The following STX8 variants were observed in gnomAD, a reference collection of about 807,000 sequenced individuals.
The protein encoded by STX8 is syntaxin 8.
Under a neutral mutation model 37.5 loss-of-function variants are expected in STX8, and 23 were observed. That is an observed-to-expected ratio of 0.61 (90% CI 0.44 to 0.87). The LOEUF (loss-of-function observed/expected upper bound fraction) is 0.87, where lower values mean the gene tolerates loss of function less well. Ranked by LOEUF, STX8 falls within the 40% of genes least tolerant of loss-of-function variation. The probability of loss-of-function intolerance (pLI) is 0.00; values close to 1 mark genes in which losing one functional copy is unlikely to be tolerated. For missense variants in STX8, 313 were observed against 284.7 expected (o/e 1.10, Z -0.71); for synonymous variants, 115 against 99.1 (o/e 1.16, Z -0.95).
At chr17:9,261,180 G>GT (rs1597570225) in intron 7 of STX8, among the ~76,000 whole-genome samples, 1 of 152,168 alleles carries the variant, frequency 6.6e-6, no homozygotes, top group East Asian at 1.9e-4. Flanking sequence ...TCAGGTGGCC[G>GT]TGGAGCAGCA....
At chr17:9,533,293 C>T (rs1416305334) in intron 4 of STX8, among the ~76,000 whole-genome samples, 1 of 152,092 alleles carries the variant, frequency 6.6e-6, no homozygotes, top group Non-Finnish European at 1.5e-5. Flanking sequence ...CATGGTCAAA[C>T]CCCGTCTCTA....
At chr17:9,331,732 A>G (rs1909967706) in intron 7 of STX8, among the ~76,000 whole-genome samples, 2 of 151,970 alleles carry the variant, frequency 1.3e-5, no homozygotes. Context: ...CTTACTGTTA[A>G]AGTGCTAAAC....
chr17:9,483,847 C>A (rs1036089652), intron 6 of STX8, among the ~76,000 whole-genome samples: 1 of 152,132 alleles, frequency 6.6e-6, no homozygotes, highest in East Asian at 1.9e-4. Context: ...ACTGTCAGAT[C>A]TCAATAATCC....
At chr17:9,563,164 T>C (rs1482544931) in intron 2 of STX8, among the ~76,000 whole-genome samples, 1 of 136,252 alleles carries the variant, frequency 7.3e-6, no homozygotes, top group Non-Finnish European at 1.5e-5. Flanking sequence ...TTTATTTATT[T>C]ATTTATTTAT....
At chr17:9,438,790 G>A (rs1043271308) in intron 6 of STX8, among the ~76,000 whole-genome samples, 4 of 151,850 alleles carry the variant, frequency 2.6e-5, no homozygotes, top group South Asian at 2.1e-4. Context: ...TTAGCCGGGC[G>A]GTGGTGGTGG....
At chr17:9,490,691 T>G (rs955286347) in intron 6 of STX8, among the ~76,000 whole-genome samples, 10 of 152,224 alleles carry the variant, frequency 6.6e-5, no homozygotes, top group African/African-American at 2.4e-4. Flanking sequence ...AGCCATTCCA[T>G]CGTGTTATTA....
chr17:9,390,216 T>G (rs1192421242), intron 6 of STX8, among the ~76,000 whole-genome samples: 2 of 152,168 alleles, frequency 1.3e-5, no homozygotes, highest in Non-Finnish European at 2.9e-5. Context: ...GTCTCTCATC[T>G]AGGCTTAAAA....
chr17:9,261,190 A>G (rs1481979342), intron 7 of STX8, among the ~76,000 whole-genome samples: 4 of 152,168 alleles, frequency 2.6e-5, no homozygotes, highest in African/African-American at 9.6e-5. Flanking sequence ...GTGGAGCAGC[A>G]GTCACGGCCA....
chr17:9,501,450 G>C (rs1746490114), intron 5 of STX8, among the ~76,000 whole-genome samples: 1 of 152,176 alleles, frequency 6.6e-6, no homozygotes. Flanking sequence ...CAGCACTTTG[G>C]GAGGCCGAGG....
chr17:9,289,612 T>TAAA (rs200727934), intron 7 of STX8, among the ~76,000 whole-genome samples: 5 of 141,316 alleles, frequency 3.5e-5, no homozygotes, highest in African/African-American at 1.0e-4. Context: ...CCATCTCTAC[T>TAAA]AAAAAAAAAA....
intron 4 of STX8, among the ~76,000 whole-genome samples, chr17:9,517,790 A>T (rs1905197660): frequency 1.7e-4 from 1 of 6,042 alleles, no homozygotes; most frequent in Admixed American, 3.0e-3. Context: ...CCCTATTGTA[A>T]AAAAAAAAAA....
Position 9,342,484 on chromosome 17 carries a change from G to A in STX8, c.643+36068C>T, listed in dbSNP as rs113445202. Among the ~76,000 whole-genome samples the A allele has an allele frequency of 4.2e-3, 637 of 152,318 alleles. 6 individuals are homozygous for A. The highest frequency in any genetic ancestry group is 0.015 in the African/African-American group (607 of 41,578). Reference sequence around the variant, plus strand: ...GCGTGCAAGACATGCTATGGCCTGAGGGGCAGTAGGCACTGGAGGAGGAGA... The same window carrying A: ...GCGTGCAAGACATGCTATGGCCTGAAGGGCAGTAGGCACTGGAGGAGGAGA... On this transcript the variant is annotated intron_variant, in intron 7 of 7. Transcript: ENST00000306357.
At chr17:9,512,521 G>A (rs918362284) in intron 4 of STX8, among the ~76,000 whole-genome samples, 2 of 151,772 alleles carry the variant, frequency 1.3e-5, no homozygotes, top group South Asian at 2.1e-4. Flanking sequence ...GGAGTGCAGT[G>A]ATGCAATCTT....
intron 7 of STX8, among the ~76,000 whole-genome samples, chr17:9,336,161 T>C (rs1009641276): frequency 1.3e-5 from 2 of 152,176 alleles, no homozygotes; most frequent in African/African-American, 4.8e-5. Context: ...ATGTGACTTA[T>C]GAACTTTATC....
In STX8 at chr17:9,447,569, C is replaced by T. The variant is rs9915004; in HGVS notation, c.541+44260G>A. Reference sequence around the variant, plus strand: ...GCCCCAGTAGCTGGGATTACAGGCACCTGCCACCATACCCAGCTAATTTCT... The same window carrying T: ...GCCCCAGTAGCTGGGATTACAGGCATCTGCCACCATACCCAGCTAATTTCT... On this transcript the variant is annotated intron_variant, in intron 6 of 7. Coordinates refer to ENST00000306357, the MANE Select transcript of STX8 (RefSeq NM_004853.3). Among the ~76,000 whole-genome samples the T allele has an allele frequency of 2.3e-3, 347 of 152,124 alleles. 1 individual carries two copies. Among genetic ancestry groups the T allele is most frequent in the African/African-American group, 7.6e-3 (315 of 41,526 alleles).
At chr17:9,529,220 C>T (rs919109674) in intron 4 of STX8, among the ~76,000 whole-genome samples, 35 of 151,682 alleles carry the variant, frequency 2.3e-4, no homozygotes, top group African/African-American at 7.8e-4. Context: ...ACATCTCCAT[C>T]TTGTGGTCTG....
intron 6 of STX8, among the ~76,000 whole-genome samples, chr17:9,421,946 T>C (rs1913446650): frequency 6.6e-6 from 1 of 152,092 alleles, no homozygotes; most frequent in African/African-American, 2.4e-5. Flanking sequence ...TCTCTCTTCC[T>C]CCTGCTCCGG....
At chr17:9,279,701 T>C (rs1255791024) in intron 7 of STX8, among the ~76,000 whole-genome samples, 1 of 148,554 alleles carries the variant, frequency 6.7e-6, no homozygotes, top group Admixed American at 6.8e-5. Context: ...AAGCAACAGG[T>C]CTCCCTCATG....
At chr17:9,282,484 T>C (rs1338940676) in intron 7 of STX8, among the ~76,000 whole-genome samples, 2 of 152,218 alleles carry the variant, frequency 1.3e-5, no homozygotes, top group African/African-American at 4.8e-5. Flanking sequence ...GTAGAGTACA[T>C]TTCTTCATTC....
Sources: allele counts gnomAD v4.1 joint callset (sites outside exome capture counted in the v4.1 genomes callset), GRCh38; gene constraint gnomAD v4.1.1; transcripts MANE v1.5; gene names NCBI Gene and HGNC (gene_info 2026-07-23, HGNC 2026-07-21).